KCNQ1: variants seen among roughly 807,000 people sequenced by gnomAD.
KCNQ1 encodes potassium voltage-gated channel subfamily KQT member 1.
In KCNQ1, 49 loss-of-function variants were observed where a neutral mutation model predicts 72.4. The ratio of observed to expected loss-of-function variants is 0.68; its 90% CI spans 0.54 to 0.86. The LOEUF (loss-of-function observed/expected upper bound fraction) is 0.86. KCNQ1 is among the 40% of genes least tolerant of loss of function. KCNQ1 has a pLI of 0.00. For synonymous variants in KCNQ1, 450 were observed against 412.6 expected (o/e 1.09, Z -1.10); for missense variants, 790 against 945.1 (o/e 0.84, Z 2.15).
chr11:2,528,044 G>C, intron 2 of KCNQ1, 26 bp downstream of exon 2: 1 of 1,571,840 alleles, frequency 6.4e-7, no homozygotes, highest in Non-Finnish European at 8.7e-7. Flanking sequence ...GGGCATGGCT[G>C]GATGTCATGG....
intron 6 of KCNQ1, among the ~76,000 whole-genome samples, chr11:2,573,662 C>A (rs550542024): frequency 6.6e-6 from 1 of 151,750 alleles, no homozygotes; most frequent in South Asian, 2.1e-4. Flanking sequence ...TTCCGGCCAC[C>A]TAGAGCAGCC....
rs1846526479 is a variant in KCNQ1 at position 2,473,693 on chromosome 11, C to T, written c.386+28209C>T. 6.6e-6 allele frequency among the ~76,000 whole-genome samples: 1 copy of T among 152,230 alleles called. No homozygotes were observed. The highest frequency in any genetic ancestry group is 2.4e-5 in the African/African-American group (1 of 41,472). On this transcript the variant is annotated intron_variant, in intron 1 of 15. Transcript: ENST00000155840. The surrounding 1 kb of genome is among the most constrained non-coding windows in gnomAD (Gnocchi z 6.0). The stretch of plus-strand genomic sequence containing the variant: ...CGCGGGGCTGCCAGCCAAGAGCCTT[C>T]CTCCATCCCATTGAGAGCCAGGGCA...
At chr11:2,798,202 C>G (rs1847178559) in intron 15 of KCNQ1, among the ~76,000 whole-genome samples, 1 of 152,236 alleles carries the variant, frequency 6.6e-6, no homozygotes, top group African/African-American at 2.4e-5. Flanking sequence ...CCAGGAATGG[C>G]TGTCCAAGAG....
Position 2,617,985 on chromosome 11 carries a change from GCCTTTT to G in KCNQ1, c.1393+29138_1393+29143del, listed in dbSNP as rs1196312139. ...AATATTTTCTTCTAGTCCATAGGTT[GCCTTTT>G]CCTTTTGTTGACTGTTTCCGTTCCT... On this transcript the variant is annotated intron_variant, in intron 10 of 15. Coordinates refer to ENST00000155840, the MANE Select transcript of KCNQ1 (RefSeq NM_000218.3). This position sits in a 1 kb window ranked among gnomAD's most constrained non-coding sequence, Gnocchi z 4.6. 2.5e-6 allele frequency: 1 copy of G among 398,362 alleles called. No homozygotes were observed. Among genetic ancestry groups the G allele is most frequent in the Non-Finnish European group, 4.4e-6 (1 of 226,048 alleles). The allele number at this position is 398,362 out of a possible 1,614,324, so 24.7% of individuals were successfully genotyped here. A position where few individuals can be genotyped will look rare whatever the true frequency, so the allele number is the denominator to read the frequency against.
rs1159905859 is a variant in KCNQ1 at position 2,713,992 on chromosome 11, GGT to G, written c.1514+51917_1514+51918del. ...GAGCTCCAGGTGGCTGCCACTCAGG[GGT>G]GTGTGGGGGGCGCCTTGGGGCACCC... On this transcript the variant is annotated intron_variant, in intron 11 of 15. Coordinates refer to ENST00000155840, the MANE Select transcript of KCNQ1 (RefSeq NM_000218.3). This position sits in a 1 kb window ranked among gnomAD's most constrained non-coding sequence, Gnocchi z 5.6. Among the ~76,000 whole-genome samples, 2 of 152,220 alleles carry G rather than the reference GGT, an allele frequency of 1.3e-5. No individual in the cohort carries two copies. The highest frequency in any genetic ancestry group is 4.8e-5 in the African/African-American group (2 of 41,458).
In KCNQ1 at chr11:2,661,272, T is replaced by C. The variant is rs1177881446; in HGVS notation, c.1394-689T>C. The C allele has an allele frequency of 2.5e-6, 1 of 399,124 alleles. No homozygotes were observed. The highest frequency in any genetic ancestry group is 4.4e-5 in the Admixed American group (1 of 22,804). The allele number at this position is 399,124 out of a possible 1,614,324, so 24.7% of individuals were successfully genotyped here. A position where few individuals can be genotyped will look rare whatever the true frequency, so the allele number is the denominator to read the frequency against. ...TAAAATATTTAAATGAAGACAAATATAAGCCAAGAGCAAATACTGATAGTG... is the reference window on the plus strand; with the variant it reads ...TAAAATATTTAAATGAAGACAAATACAAGCCAAGAGCAAATACTGATAGTG... On this transcript the variant is annotated intron_variant, in intron 10 of 15. Transcript: ENST00000155840. The surrounding 1 kb of genome is among the most constrained non-coding windows in gnomAD (Gnocchi z 5.9).
At chr11:2,675,973 A>G (rs1850286715) in intron 11 of KCNQ1, 4 of 398,560 alleles carry the variant, frequency 1.0e-5, no homozygotes, top group Non-Finnish European at 1.3e-5. Flanking sequence ...GGGGTGAAAA[A>G]TAACACTCTC....
chr11:2,755,299 G>A (rs1468411737), intron 11 of KCNQ1, among the ~76,000 whole-genome samples: 1 of 152,108 alleles, frequency 6.6e-6, no homozygotes. Context: ...GACCCGGGTT[G>A]GAGTGCACTG....
rs35495919 is a variant in KCNQ1, at chr11:2,446,718, T to TGG, written c.386+1239_386+1240dup. On this transcript the variant is annotated intron_variant, in intron 1 of 15. Coordinates refer to ENST00000155840, the MANE Select transcript of KCNQ1 (RefSeq NM_000218.3). The surrounding 1 kb of genome is among the most constrained non-coding windows in gnomAD (Gnocchi z 8.8). ...CCACCTCCCTCCTCAAAGATGTGGT[T>TGG]GGGGGGTGATCTTGGAGACTTTTCC... Among the ~76,000 whole-genome samples, 3 of 152,080 alleles carry TGG rather than the reference T, an allele frequency of 2.0e-5. No homozygotes were observed. The highest frequency in any genetic ancestry group is 7.2e-5 in the African/African-American group (3 of 41,400).
In KCNQ1 at chr11:2,801,654, G is replaced by A. The variant is rs1001923617; in HGVS notation, c.1794+23617G>A. Among the ~76,000 whole-genome samples the A allele has an allele frequency of 3.1e-4, 47 of 152,208 alleles. 1 individual carries two copies. The highest frequency in any genetic ancestry group is 5.9e-5 in the Non-Finnish European group (4 of 68,034). On this transcript the variant is annotated intron_variant, in intron 15 of 15. Transcript: ENST00000155840. ...CGTCTCCAAACACAGTCACATTGGG[G>A]ATTAGGGCTTCAACATGTGAATTTA... is the stretch of plus-strand genomic sequence containing the variant.
Position 2,475,041 on chromosome 11 carries a change from G to T in KCNQ1, c.386+29557G>T, listed in dbSNP as rs1257833524. 6.6e-6 allele frequency among the ~76,000 whole-genome samples: 1 copy of T among 152,172 alleles called. No homozygotes were observed. The highest frequency in any genetic ancestry group is 1.5e-5 in the Non-Finnish European group (1 of 68,028). On this transcript the variant is annotated intron_variant, in intron 1 of 15. Transcript: ENST00000155840. This position sits in a 1 kb window ranked among gnomAD's most constrained non-coding sequence, Gnocchi z 5.8. ...CGTAAAATTGACCTTTTTAACCCAT[G>T]TTTCATGGTCTTCGGTTTACTCGCA...
intron 8 of KCNQ1, among the ~76,000 whole-genome samples, chr11:2,585,580 G>T (rs1369876922): frequency 6.6e-6 from 1 of 152,238 alleles, no homozygotes; most frequent in African/African-American, 2.4e-5. Flanking sequence ...GAGTGGACGT[G>T]GTTGGCTCTG....
intron 6 of KCNQ1, among the ~76,000 whole-genome samples, chr11:2,575,440 C>A (rs1437374959): frequency 1.3e-5 from 2 of 152,196 alleles, no homozygotes; most frequent in Admixed American, 6.5e-5. Context: ...GGGGAGCGGC[C>A]CCTGAGGCCT....
intron 15 of KCNQ1, among the ~76,000 whole-genome samples, chr11:2,833,199 T>A (rs558925274): frequency 6.6e-6 from 1 of 152,296 alleles, no homozygotes; most frequent in South Asian, 2.1e-4. Flanking sequence ...TGGAAGCCCC[T>A]GCACGCAAGG....
rs185248010 is a variant in KCNQ1 at position 2,645,273 on chromosome 11, G to T, written c.1394-16688G>T. 25 of 398,762 alleles carry T rather than the reference G, an allele frequency of 6.3e-5. No homozygotes were observed. The highest frequency in any genetic ancestry group is 3.9e-4 in the African/African-American group (19 of 48,740). The allele number at this position is 398,762 out of a possible 1,614,324, so 24.7% of individuals were successfully genotyped here. ...TGTGGTGGTAATGGTCAGTTGGGTAGGGCAGTCCTCAAGCCCCCAGGAGTG... is the reference window on the plus strand; with the variant it reads ...TGTGGTGGTAATGGTCAGTTGGGTATGGCAGTCCTCAAGCCCCCAGGAGTG... On this transcript the variant is annotated intron_variant, in intron 10 of 15. Coordinates refer to ENST00000155840, the MANE Select transcript of KCNQ1 (RefSeq NM_000218.3). This position sits in a 1 kb window ranked among gnomAD's most constrained non-coding sequence, Gnocchi z 5.8.
intron 10 of KCNQ1, chr11:2,641,524 AT>A: frequency 2.5e-6 from 1 of 398,376 alleles, no homozygotes; most frequent in Non-Finnish European, 4.4e-6. Context: ...TTCCTAGTAT[AT>A]TCTGGTATTA....
At chr11:2,499,347 C>T (rs1846971270) in intron 1 of KCNQ1, among the ~76,000 whole-genome samples, 2 of 151,984 alleles carry the variant, frequency 1.3e-5, no homozygotes, top group South Asian at 2.1e-4. Flanking sequence ...AAGCATGCCA[C>T]TAGAGAAAAT....
chr11:2,605,888 A>G (rs77721152), intron 10 of KCNQ1, among the ~76,000 whole-genome samples: 4,627 of 152,314 alleles, frequency 0.03, 115 homozygotes, highest in Non-Finnish European at 0.049. Flanking sequence ...CATCTTAACA[A>G]TATTAAGTCT....
At chr11:2,560,715 A>G (rs1848152167) in intron 2 of KCNQ1, among the ~76,000 whole-genome samples, 1 of 152,044 alleles carries the variant, frequency 6.6e-6, no homozygotes, top group Admixed American at 6.5e-5. Context: ...CCCTGCCTGA[A>G]GTTTCTCAGC....
Sources: gnomAD v4.1 joint callset for allele counts (sites outside exome capture counted in the v4.1 genomes callset) on GRCh38, gnomAD v4.1.1 for gene constraint, Gnocchi (gnomAD v3.1) non-coding constraint, MANE v1.5 for transcripts, NCBI Gene and HGNC (gene_info 2026-07-23, HGNC 2026-07-21) for gene names.